ARHGAP15: variants seen among roughly 807,000 people sequenced by gnomAD.
ARHGAP15 encodes the protein rho GTPase-activating protein 15.
ARHGAP15 carries 51 observed loss-of-function variants against 63.7 expected under a neutral mutation model. The ratio of observed to expected loss-of-function variants is 0.80; its 90% CI spans 0.64 to 1.01. The LOEUF is 1.01. ARHGAP15 is among the 50% of genes least tolerant of loss of function. The pLI, the probability that ARHGAP15 is intolerant of heterozygous loss-of-function variation, is 0.00. For missense variants in ARHGAP15, 560 were observed against 564.6 expected (o/e 0.99, Z 0.08); for synonymous variants, 191 against 193.8 (o/e 0.99, Z 0.12).
At chr2:143,470,682 T>C (rs2105185356) in intron 8 of ARHGAP15, among the ~76,000 whole-genome samples, 1 of 137,000 alleles carries the variant, frequency 7.3e-6, no homozygotes, top group African/African-American at 2.5e-5. Context: ...TGTGTGTATA[T>C]ATATATGTAT....
chr2:143,531,360 TACAG>T (rs1409274628), intron 10 of ARHGAP15, among the ~76,000 whole-genome samples: 8 of 152,228 alleles, frequency 5.3e-5, no homozygotes, highest in African/African-American at 1.9e-4. Context: ...TCTGGATATA[TACAG>T]ACATTCAATC....
chr2:143,673,748 G>GTATATATATA (rs869099523), intron 12 of ARHGAP15, among the ~76,000 whole-genome samples: 799 of 33,934 alleles, frequency 0.024, 58 homozygotes, highest in South Asian at 0.097. Context: ...GTGTGTGTGT[G>GTATATATATA]TGTGTGTGTG....
chr2:143,461,290 A>AAAAC (rs1476926501), intron 8 of ARHGAP15, among the ~76,000 whole-genome samples: 1 of 150,330 alleles, frequency 6.7e-6, no homozygotes, highest in African/African-American at 2.4e-5. Flanking sequence ...TCAAAAAAAA[A>AAAAC]AAAAAAAAAA....
chr2:143,701,235 T>C (rs933187442), intron 12 of ARHGAP15, among the ~76,000 whole-genome samples: 1 of 152,302 alleles, frequency 6.6e-6, no homozygotes, highest in Non-Finnish European at 1.5e-5. Flanking sequence ...TGTAATTCCT[T>C]ATAAAAAAAT....
intron 1 of ARHGAP15, among the ~76,000 whole-genome samples, chr2:143,144,451 A>T (rs1056849314): frequency 1.3e-5 from 2 of 152,082 alleles, no homozygotes; most frequent in African/African-American, 4.8e-5. Flanking sequence ...TACCAAGTTC[A>T]TGATATAAAT....
chr2:143,292,687 T>A (rs57876339), intron 6 of ARHGAP15, among the ~76,000 whole-genome samples: 23,943 of 151,966 alleles, frequency 0.16, 2,142 homozygotes, highest in Admixed American at 0.29. Flanking sequence ...TTTAAGAAAA[T>A]CTTATTTTAG....
intron 12 of ARHGAP15, among the ~76,000 whole-genome samples, chr2:143,667,022 G>A (rs1195888169): frequency 6.8e-6 from 1 of 147,380 alleles, no homozygotes; most frequent in Non-Finnish European, 1.5e-5. Context: ...CGATTCCTCA[G>A]GGATCTAGAA....
At chr2:143,409,893 G>A (rs1448255012) in intron 6 of ARHGAP15, among the ~76,000 whole-genome samples, 5 of 152,062 alleles carry the variant, frequency 3.3e-5, no homozygotes, top group Non-Finnish European at 5.9e-5. Context: ...GTGTAATGGT[G>A]CATTTCTCAG....
At chr2:143,715,837 T>C (rs908066013) in intron 13 of ARHGAP15, among the ~76,000 whole-genome samples, 1 of 152,304 alleles carries the variant, frequency 6.6e-6, no homozygotes, top group African/African-American at 2.4e-5. Context: ...TTTTCTTCTA[T>C]GGTTTTTATA....
At chr2:143,344,797 C>A (rs1274590529) in intron 6 of ARHGAP15, among the ~76,000 whole-genome samples, 1 of 152,062 alleles carries the variant, frequency 6.6e-6, no homozygotes, top group Non-Finnish European at 1.5e-5. Context: ...ACAGCACTTA[C>A]ACTTCAGTAA....
chr2:143,152,923 C>T lies in ARHGAP15; in HGVS notation c.-14-2554C>T, dbSNP rs546137510. Among the ~76,000 whole-genome samples the T allele has an allele frequency of 1.8e-4, 28 of 151,940 alleles. 1 individual carries two copies. The South Asian group carries it at 5.2e-3, about 28-fold the overall frequency. The stretch of plus-strand genomic sequence containing the variant: ...TAACATTGTGGTAGAGAGAGAGATC[C>T]GCCTGATGGAAAGATCTAAGAAAGC... On this transcript the variant is annotated intron_variant, in intron 1 of 13. Coordinates refer to ENST00000295095, the MANE Select transcript of ARHGAP15 (RefSeq NM_018460.4).
intron 5 of ARHGAP15, among the ~76,000 whole-genome samples, chr2:143,230,898 T>C (rs890751225): frequency 6.6e-6 from 1 of 152,156 alleles, no homozygotes; most frequent in Non-Finnish European, 1.5e-5. Flanking sequence ...GTCTGCCCTT[T>C]CCTCCTAGGG....
chr2:143,544,850 G>C (rs1695259245), intron 10 of ARHGAP15, among the ~76,000 whole-genome samples: 1 of 152,172 alleles, frequency 6.6e-6, no homozygotes, highest in African/African-American at 2.4e-5. Context: ...CCTCTCTGTG[G>C]AGCAGAAGTA....
chr2:143,536,922 A>G (rs909046909), intron 10 of ARHGAP15, among the ~76,000 whole-genome samples: 1 of 152,198 alleles, frequency 6.6e-6, no homozygotes, highest in African/African-American at 2.4e-5. Flanking sequence ...TGGTATTTCT[A>G]GTTCCAGATC....
intron 11 of ARHGAP15, chr2:143,587,673 C>T (rs778193229): frequency 2.1e-6 from 1 of 466,304 alleles, no homozygotes; most frequent in South Asian, 1.6e-5. Context: ...CCTTTGTCTT[C>T]TGTCTTTCAC....
At position 143,296,515 on chromosome 2, in the gene ARHGAP15, C is replaced by G. The variant is rs568428340; in HGVS notation, c.474+45915C>G. 5.1e-4 allele frequency among the ~76,000 whole-genome samples: 77 copies of G among 152,100 alleles called. 1 individual carries two copies. Among genetic ancestry groups the G allele is most frequent in the African/African-American group, 1.7e-3 (72 of 41,524 alleles). On this transcript the variant is annotated intron_variant, in intron 6 of 13. Transcript: ENST00000295095. The stretch of plus-strand genomic sequence containing the variant: ...CTAAGAATATCTTCCTAAGTGGAAG[C>G]CATCCGGTAAGGTAGTTTCTCAGAA...
intron 8 of ARHGAP15, among the ~76,000 whole-genome samples, chr2:143,459,399 A>G (rs1690819690): frequency 6.6e-6 from 1 of 152,132 alleles, no homozygotes; most frequent in Non-Finnish European, 1.5e-5. Flanking sequence ...ATTTCTAATC[A>G]CAAAGATGAT....
intron 10 of ARHGAP15, among the ~76,000 whole-genome samples, chr2:143,550,158 C>G (rs1272570543): frequency 6.6e-6 from 1 of 151,806 alleles, no homozygotes; most frequent in African/African-American, 2.4e-5. Context: ...TTTTTTTAAT[C>G]CAAGAGCAAA....
At chr2:143,363,419 C>T (rs188858205) in intron 6 of ARHGAP15, among the ~76,000 whole-genome samples, 6 of 152,078 alleles carry the variant, frequency 3.9e-5, no homozygotes, top group East Asian at 3.9e-4. Flanking sequence ...TGCTTGAACC[C>T]GGGAGGTGGA....
Sources: gnomAD v4.1 joint callset for allele counts (sites outside exome capture counted in the v4.1 genomes callset) on GRCh38, gnomAD v4.1.1 for gene constraint, MANE v1.5 for transcripts, NCBI Gene and HGNC (gene_info 2026-07-23, HGNC 2026-07-21) for gene names.